ANKRD37: variants seen among roughly 807,000 people sequenced by gnomAD.
ANKRD37 encodes ankyrin repeat domain 37.
Under a neutral mutation model 19.7 loss-of-function variants are expected in ANKRD37, and 17 were observed. That is an observed-to-expected ratio of 0.86 (90% CI 0.59 to 1.29). ANKRD37 has a LOEUF of 1.29. ANKRD37 is among the 50% of genes most tolerant of loss of function. The pLI is 0.00. For missense variants in ANKRD37, 207 were observed against 190.4 expected (o/e 1.09, Z -0.51); for synonymous variants, 79 against 74.5 (o/e 1.06, Z -0.31).
At chr4:185,399,864 T>A in intron 4 of ANKRD37, 91 bp downstream of exon 4, 1 of 1,563,288 alleles carries the variant, frequency 6.4e-7, no homozygotes, top group East Asian at 2.3e-5. Flanking sequence ...GACACTCGTA[T>A]TTCTAGTAGT....
rs368102461 is a variant in ANKRD37, at chr4:185,396,842, C to T, written c.-82C>T. 2.1e-6 allele frequency: 3 copies of T among 1,456,870 alleles called. No individual in the cohort carries two copies. The highest frequency in any genetic ancestry group is 2.8e-5 in the African/African-American group (2 of 71,916). 90.2% of individuals were successfully genotyped at this position (1,456,870 alleles called of 1,614,324 possible). ...ATTCTCCCGTGCTAGGGCCAGCCTGCGCATTCTTACCTGTCGGGGTGCGGC... is the reference window on the plus strand; with the variant it reads ...ATTCTCCCGTGCTAGGGCCAGCCTGTGCATTCTTACCTGTCGGGGTGCGGC... On this transcript the variant is annotated 5_prime_UTR_variant, in exon 1 of 5. Coordinates refer to ENST00000335174, the MANE Select transcript of ANKRD37 (RefSeq NM_181726.4).
downstream of ANKRD37, chr4:185,400,523 A>G (rs1345873500): frequency 6.2e-6 from 9 of 1,443,464 alleles, no homozygotes; most frequent in Non-Finnish European, 3.9e-6. Context: ...CAAAGTTACA[A>G]GATTATGTCA....
rs559515297 is a variant in ANKRD37, at chr4:185,399,658, T to C, written c.361T>C (p.Cys121Arg). 9.9e-6 allele frequency: 16 copies of C among 1,614,224 alleles called. No homozygotes were observed. The highest frequency in any genetic ancestry group is 1.6e-4 in the Middle Eastern group (1 of 6,062). Residue 121 changes from cysteine (C) to arginine (R), a missense_variant, in exon 4 of 5, where the codon TGT becomes CGT. Coordinates refer to ENST00000335174, the MANE Select transcript of ANKRD37 (RefSeq NM_181726.4). Reference sequence around the variant, plus strand: ...TGCCAAGTTTCTTACAACAATTAAATGTATGCAGACAATAAAAGCAAGTGA... The same window carrying C: ...TGCCAAGTTTCTTACAACAATTAAACGTATGCAGACAATAAAAGCAAGTGA... ...DCAKFLTTIKCMQTIKASEHP... is the reference protein window; with the variant it reads ...DCAKFLTTIKRMQTIKASEHP...
chr4:185,397,110 C>A (rs1345082024), intron 1 of ANKRD37, 40 bp from the exon 2 acceptor site: 1 of 1,611,312 alleles, frequency 6.2e-7, no homozygotes, highest in Admixed American at 1.7e-5. Flanking sequence ...CGGGACTGGA[C>A]AAAGGTGGGA....
chr4:185,399,727 C>T lies in ANKRD37; in HGVS notation c.430C>T (p.Arg144Trp), dbSNP rs193196784. The T allele has an allele frequency of 5.7e-5, 92 of 1,614,068 alleles. No homozygotes were observed. Among genetic ancestry groups the T allele is most frequent in the Middle Eastern group, 3.3e-4 (2 of 6,062 alleles). The change falls in exon 4 of 5, where the codon CGG becomes TGG. Residue 144 changes from arginine (R) to tryptophan (W), a missense_variant. Physicochemically the swap from Arg to Trp is moderately radical, Grantham distance 101. Coordinates refer to ENST00000335174, the MANE Select transcript of ANKRD37 (RefSeq NM_181726.4). ...NDCVAVLRQK[R>W]SLGSVENTSG... ...TTGTGTTGCCGTGCTCAGACAGAAA[C>T]GGAGTCTCGGAAGTGTAGAAAATAC...
At position 185,397,404 on chromosome 4, in the gene ANKRD37, C is replaced by G. The variant is rs73029557; in HGVS notation, c.180+102C>G. 1.4e-3 allele frequency: 1,929 copies of G among 1,409,782 alleles called. 24 individuals are homozygous for G. In the African/African-American group the frequency reaches 0.024, roughly 17 times the overall value. 87.3% of individuals were successfully genotyped at this position (1,409,782 alleles called of 1,614,324 possible). Reference sequence around the variant, plus strand: ...GTTGTTTCAGCTGTTAAAAACATGTCTATAGCAGCGATGTCCAACAGAAAT... The same window carrying G: ...GTTGTTTCAGCTGTTAAAAACATGTGTATAGCAGCGATGTCCAACAGAAAT... On this transcript the variant is annotated intron_variant, in intron 2 of 4. Coordinates refer to ENST00000335174, the MANE Select transcript of ANKRD37 (RefSeq NM_181726.4).
rs1038176952 is a variant in ANKRD37 at position 185,399,033 on chromosome 4, G to A, written c.272+5G>A. On this transcript the variant is annotated splice_donor_5th_base_variant and intron_variant, in intron 3 of 4. Coordinates refer to ENST00000335174, the MANE Select transcript of ANKRD37 (RefSeq NM_181726.4). ...AGCCAGTGATGCCCAAATTGAGTGA[G>A]TATGAAAACAGTGGCTTCACATTTT... 17 of 1,612,626 alleles carry A rather than the reference G, an allele frequency of 1.1e-5. No homozygotes were observed. The highest frequency in any genetic ancestry group is 1.4e-5 in the Non-Finnish European group (16 of 1,178,860).
chr4:185,400,385 A>C (rs370248604), downstream of ANKRD37: 1 of 1,606,598 alleles, frequency 6.2e-7, no homozygotes, highest in Admixed American at 1.7e-5. Flanking sequence ...TTTGACTCCA[A>C]GATATTTTAA....
At chr4:185,399,805 C>A in intron 4 of ANKRD37, 32 bp downstream of exon 4, 1 of 1,612,556 alleles carries the variant, frequency 6.2e-7, no homozygotes, top group South Asian at 1.1e-5. Context: ...CTTTTTTCCT[C>A]CCGCAGTGAT....
downstream of ANKRD37, chr4:185,400,285 A>T: frequency 2.1e-6 from 2 of 966,368 alleles, no homozygotes; most frequent in South Asian, 1.6e-5. Flanking sequence ...AAAGGTCATA[A>T]TTTAAATCGT....
At chr4:185,399,412 G>C (rs1365928028) in intron 3 of ANKRD37, 158 bp from the exon 4 acceptor site, 1 of 697,164 alleles carries the variant, frequency 1.4e-6, no homozygotes, top group Non-Finnish European at 2.4e-6. Flanking sequence ...TAGTTGCTGA[G>C]GATACAATAG....
chr4:185,400,442 T>A, downstream of ANKRD37: 1 of 1,614,016 alleles, frequency 6.2e-7, no homozygotes, highest in Non-Finnish European at 8.5e-7. Context: ...TATGCATCCT[T>A]GTTCCAAAAA....
rs780649180 is a variant in ANKRD37 at position 185,397,266 on chromosome 4, C to T, written c.144C>T (p.Leu48=). ...AAGSGLACFL[L]WQLQTGADLN... ...GAAGCGGCCTTGCTTGCTTTCTTCT[C>T]TGGCAGCTGCAAACGGGCGCTGACC... Residue 48 remains leucine (L), a synonymous_variant, in exon 2 of 5, where the codon CTC becomes CTT. Coordinates refer to ENST00000335174, the MANE Select transcript of ANKRD37 (RefSeq NM_181726.4). The T allele has an allele frequency of 6.2e-7, 1 of 1,614,122 alleles. No individual in the cohort carries two copies. Among genetic ancestry groups the T allele is most frequent in the South Asian group, 1.1e-5 (1 of 91,092 alleles).
chr4:185,399,703 T>G lies in ANKRD37; in HGVS notation c.406T>G (p.Cys136Gly). The change falls in exon 4 of 5, where the codon TGT becomes GGT. Residue 136 changes from cysteine to glycine, a missense_variant. Physicochemically the swap from Cys to Gly is radical, Grantham distance 159. Transcript: ENST00000335174. ...AAGTGAACACCCTGACAGGAATGAT[T>G]GTGTTGCCGTGCTCAGACAGAAACG... is the stretch of plus-strand genomic sequence containing the variant. ...KASEHPDRND[C>G]VAVLRQKRSL... 6.2e-7 allele frequency: 1 copy of G among 1,614,128 alleles called. No individual in the cohort carries two copies. The highest frequency in any genetic ancestry group is 2.2e-5 in the East Asian group (1 of 44,878).
intron 3 of ANKRD37, 149 bp downstream of exon 3, chr4:185,399,177 G>A: frequency 1.3e-6 from 1 of 745,400 alleles, no homozygotes. Flanking sequence ...TTAGGTTGTT[G>A]GTGCTATCGA....
chr4:185,397,356 CA>C lies in ANKRD37; in HGVS notation c.180+57del. The C allele has an allele frequency of 3.2e-6, 5 of 1,582,170 alleles. No individual in the cohort carries two copies. In the South Asian group the frequency reaches 5.6e-5, roughly 18 times the overall value. ...CCGTCCCCTCCAACCCAGACACACA[CA>C]AACATTTCTCAGACGCCAAGAGTTG... On this transcript the variant is annotated intron_variant, in intron 2 of 4. Transcript: ENST00000335174.
intron 3 of ANKRD37, among the ~76,000 whole-genome samples, chr4:185,399,293 A>G (rs1321257722): frequency 6.6e-6 from 1 of 152,200 alleles, no homozygotes; most frequent in African/African-American, 2.4e-5. Context: ...AGGAAAACCC[A>G]TTCTATAGTT....
At position 185,397,108 on chromosome 4, in the gene ANKRD37, G is replaced by C. The variant is rs771059627; in HGVS notation, c.28-42G>C. ...TCCAGCCCGGAGGGGCGCGGGACTG[G>C]ACAAAGGTGGGAAGGGTGCTGGATC... On this transcript the variant is annotated intron_variant, in intron 1 of 4. Coordinates refer to ENST00000335174, the MANE Select transcript of ANKRD37 (RefSeq NM_181726.4). 1.9e-6 allele frequency: 3 copies of C among 1,611,576 alleles called. No homozygotes were observed. In the South Asian group the frequency reaches 3.3e-5, roughly 18 times the overall value.
chr4:185,399,583 A>T lies in ANKRD37; in HGVS notation c.286A>T (p.Asn96Tyr). 6.2e-7 allele frequency: 1 copy of T among 1,614,206 alleles called. No individual in the cohort carries two copies. The highest frequency in any genetic ancestry group is 1.1e-5 in the South Asian group (1 of 91,090). The change falls in exon 4 of 5, where the codon AAC becomes TAC. Residue 96 changes from asparagine to tyrosine, a missense_variant. Transcript: ENST00000335174. Reference protein sequence around the residue: ...SDAQIDLCNKNGQTAEDLAWS... With the variant: ...SDAQIDLCNKYGQTAEDLAWS... Reference sequence around the variant, plus strand: ...TCCTGTTTTCAGTTTATGTAATAAGAACGGGCAAACAGCTGAAGATCTCGC... The same window carrying T: ...TCCTGTTTTCAGTTTATGTAATAAGTACGGGCAAACAGCTGAAGATCTCGC...
Sources: gnomAD v4.1 joint callset for allele counts (sites outside exome capture counted in the v4.1 genomes callset) on GRCh38, gnomAD v4.1.1 for gene constraint, MANE v1.5 for transcripts, NCBI Gene and HGNC (gene_info 2026-07-23, HGNC 2026-07-21) for gene names.